The following GHR variants were observed in gnomAD, a reference collection of about 807,000 sequenced individuals.
GHR encodes GH receptor.
A neutral mutation model predicts 67.1 loss-of-function variants in GHR; 35 were observed. The ratio of observed to expected loss-of-function variants is 0.52; its 90% CI spans 0.40 to 0.69. GHR has a LOEUF of 0.69. Among genes scored for constraint, GHR ranks in the 30% least tolerant of loss-of-function variants. The pLI, the probability that GHR is intolerant of heterozygous loss-of-function variation, is 0.00. For synonymous variants in GHR, 272 were observed against 269.1 expected, an observed-to-expected ratio of 1.01 and a Z score of -0.10; for missense variants, 792 against 764.6, an observed-to-expected ratio of 1.04 and a Z score of -0.42.
At chr5:42,486,145 A>G (rs1461479401) in intron 1 of GHR, among the ~76,000 whole-genome samples, 13 of 152,196 alleles carry the variant, frequency 8.5e-5, no homozygotes, top group Non-Finnish European at 2.9e-5. Flanking sequence ...TCTGAGGACT[A>G]CACTTTGAGA....
chr5:42,633,957 A>G (rs1429713810), intron 3 of GHR, among the ~76,000 whole-genome samples: 1 of 152,154 alleles, frequency 6.6e-6, no homozygotes, highest in Non-Finnish European at 1.5e-5. Context: ...AGTTCCCACA[A>G]GAGGATTCTG....
At chr5:42,633,198 A>C (rs1754013592) in intron 3 of GHR, among the ~76,000 whole-genome samples, 1 of 152,102 alleles carries the variant, frequency 6.6e-6, no homozygotes, top group Admixed American at 6.5e-5. Context: ...TAAAAGTGTA[A>C]ATTTTGTGAT....
In GHR at chr5:42,718,986, T is replaced by C. The variant is rs369972339; in HGVS notation, c.1479T>C (p.Ile493=). ...ACTTTTATGCCCAGGTGAGCGACAT[T>C]ACACCAGCAGGTAGTGTGGTCCTTT... ...NIDFYAQVSD[I]TPAGSVVLSP... is the part of the protein sequence containing the mutation. The change falls in exon 10 of 10, where the codon ATT becomes ATC. Residue 493 remains isoleucine, a synonymous_variant. Coordinates refer to ENST00000230882, the MANE Select transcript of GHR (RefSeq NM_000163.5). 2.5e-6 allele frequency: 4 copies of C among 1,611,166 alleles called. No individual in the cohort carries two copies. Among genetic ancestry groups the C allele is most frequent in the South Asian group, 1.1e-5 (1 of 90,766 alleles).
chr5:42,660,615 C>T (rs950943362), intron 3 of GHR, among the ~76,000 whole-genome samples: 4 of 152,118 alleles, frequency 2.6e-5, no homozygotes, highest in Non-Finnish European at 5.9e-5. Context: ...ATCTGTACAT[C>T]ACCATCATCA....
At chr5:42,632,755 T>C (rs997728432) in intron 3 of GHR, among the ~76,000 whole-genome samples, 1 of 152,162 alleles carries the variant, frequency 6.6e-6, no homozygotes, top group African/African-American at 2.4e-5. Context: ...AGGGTAAATA[T>C]GGGCAAAAAC....
chr5:42,683,809 A>C (rs1349951908), intron 3 of GHR, among the ~76,000 whole-genome samples: 1 of 152,252 alleles, frequency 6.6e-6, no homozygotes, highest in Non-Finnish European at 1.5e-5. Flanking sequence ...ACGTCATCAC[A>C]TCAGCACCAC....
intron 1 of GHR, among the ~76,000 whole-genome samples, chr5:42,558,866 A>C (rs1749451003): frequency 6.6e-6 from 1 of 152,216 alleles, no homozygotes; most frequent in African/African-American, 2.4e-5. Context: ...TTAATAATGG[A>C]TTTTATTTAA....
intron 1 of GHR, chr5:42,550,001 C>A (rs1034553637): frequency 2.3e-6 from 1 of 440,724 alleles, no homozygotes; most frequent in Non-Finnish European, 3.0e-6. Flanking sequence ...AAGCGACCAG[C>A]CAGCTGGGGA....
rs372494105 is a variant in GHR at position 42,534,206 on chromosome 5, G to GTA, written c.-11-31652_-11-31651dup. ...TGTATATATGTACATGTGTATATAT[G>GTA]TATATATGTATATATGTACATGTGT... On this transcript the variant is annotated intron_variant, in intron 1 of 9. Coordinates refer to ENST00000230882, the MANE Select transcript of GHR (RefSeq NM_000163.5). 2.3e-5 allele frequency among the ~76,000 whole-genome samples: 3 copies of GTA among 131,212 alleles called. No individual in the cohort carries two copies. The Admixed American group carries it at 2.3e-4, about 10-fold the overall frequency. 86.1% of individuals were successfully genotyped at this position (131,212 alleles called of 152,430 possible). A position where few individuals can be genotyped will look rare whatever the true frequency, so the allele number is the denominator to read the frequency against.
At chr5:42,671,109 A>G (rs1756269993) in intron 3 of GHR, among the ~76,000 whole-genome samples, 1 of 152,166 alleles carries the variant, frequency 6.6e-6, no homozygotes, top group Non-Finnish European at 1.5e-5. Flanking sequence ...GTGTTCTAGC[A>G]TGCTATTAAA....
chr5:42,718,398 A>T (rs892237290), intron 9 of GHR, 55 bp from the exon 10 acceptor site: 7 of 1,285,964 alleles, frequency 5.4e-6, no homozygotes, highest in Non-Finnish European at 6.8e-6. Context: ...TTGCTAATTC[A>T]TTTAATTATT....
rs1477255117 is a variant in GHR, at chr5:42,424,743, G to A, written c.-12+788G>A. On this transcript the variant is annotated intron_variant, in intron 1 of 9. Transcript: ENST00000230882. This position sits in a 1 kb window ranked among gnomAD's most constrained non-coding sequence, Gnocchi z 4.1. ...GCGTGTCTAGGGAGAGGGCGCTGGC[G>A]GCGCAGAGGGTGCGGGGCAGGGCAC... is the stretch of plus-strand genomic sequence containing the variant. 1.1e-6 allele frequency: 1 copy of A among 905,804 alleles called. No homozygotes were observed. The highest frequency in any genetic ancestry group is 1.7e-6 in the Non-Finnish European group (1 of 571,810). The allele number at this position is 905,804 out of a possible 1,614,324, so 56.1% of individuals were successfully genotyped here.
At chr5:42,610,842 C>T (rs1246543292) in intron 2 of GHR, among the ~76,000 whole-genome samples, 1 of 152,104 alleles carries the variant, frequency 6.6e-6, no homozygotes, top group African/African-American at 2.4e-5. Context: ...CCCTCATCAT[C>T]CCTCTAGGAA....
chr5:42,482,991 A>G (rs1745720033), intron 1 of GHR, among the ~76,000 whole-genome samples: 1 of 152,112 alleles, frequency 6.6e-6, no homozygotes. Flanking sequence ...GGAGCTGTAG[A>G]CTGGAGCTAT....
intron 3 of GHR, among the ~76,000 whole-genome samples, chr5:42,652,294 A>ACTT (rs10664729): frequency 6.6e-6 from 1 of 151,582 alleles, no homozygotes; most frequent in Non-Finnish European, 1.5e-5. Context: ...TTAAAATTAC[A>ACTT]TTCATGTGGT....
At chr5:42,646,025 G>A (rs972227397) in intron 3 of GHR, among the ~76,000 whole-genome samples, 1 of 152,088 alleles carries the variant, frequency 6.6e-6, no homozygotes, top group Admixed American at 6.5e-5. Context: ...ACAACCAGGA[G>A]GTATGTGCCT....
intron 1 of GHR, among the ~76,000 whole-genome samples, chr5:42,522,068 A>G (rs1447972237): frequency 6.6e-6 from 1 of 152,166 alleles, no homozygotes; most frequent in African/African-American, 2.4e-5. Flanking sequence ...TCCCTGAGCC[A>G]AAATAAACAC....
chr5:42,581,558 T>G (rs1261841734), intron 2 of GHR, among the ~76,000 whole-genome samples: 1 of 152,236 alleles, frequency 6.6e-6, no homozygotes, highest in African/African-American at 2.4e-5. Flanking sequence ...GGTCCTGTAT[T>G]AGACCAACTG....
intron 1 of GHR, among the ~76,000 whole-genome samples, chr5:42,463,572 C>A (rs571309668): frequency 2.1e-3 from 315 of 152,294 alleles, no homozygotes; most frequent in African/African-American, 7.3e-3. Context: ...AAATAGTCAT[C>A]TTTCTGGAAA....
Sources: gnomAD v4.1 joint callset for allele counts (sites outside exome capture counted in the v4.1 genomes callset) on GRCh38, gnomAD v4.1.1 for gene constraint, Gnocchi (gnomAD v3.1) non-coding constraint, MANE v1.5 for transcripts, NCBI Gene and HGNC (gene_info 2026-07-23, HGNC 2026-07-21) for gene names.